The following RFTN1 variants were observed in gnomAD, a reference collection of about 807,000 sequenced individuals.
RFTN1 encodes raftlin, lipid raft linker 1.
In RFTN1, 26 loss-of-function variants were observed where a neutral mutation model predicts 46.5. That is an observed-to-expected ratio of 0.56 (90% CI 0.41 to 0.78). RFTN1 has a LOEUF of 0.78. Among genes scored for constraint, RFTN1 ranks in the 30% least tolerant of loss-of-function variants. The pLI, the probability that RFTN1 is intolerant of heterozygous loss-of-function variation, is 0.00. For synonymous variants in RFTN1, 261 were observed against 284.2 expected, an observed-to-expected ratio of 0.92 and a Z score of 0.82; for missense variants, 693 against 718.7, an observed-to-expected ratio of 0.96 and a Z score of 0.41.
At position 16,427,895 on chromosome 3, in the gene RFTN1, C is replaced by T. The variant is rs190662208; in HGVS notation, c.332+5956G>A. 2.5e-3 allele frequency among the ~76,000 whole-genome samples: 387 copies of T among 152,244 alleles called. 3 individuals are homozygous for T. Among genetic ancestry groups the T allele is most frequent in the African/African-American group, 8.8e-3 (366 of 41,526 alleles). The stretch of plus-strand genomic sequence containing the variant: ...TCCCTATTCCAGTCTACCCATCATG[C>T]CCAACCTAGAGCAAATGACAGCCGC... On this transcript the variant is annotated intron_variant, in intron 3 of 9. Coordinates refer to ENST00000334133, the MANE Select transcript of RFTN1 (RefSeq NM_015150.2). This position sits in a 1 kb window ranked among gnomAD's most constrained non-coding sequence, Gnocchi z 5.4.
In RFTN1 at chr3:16,351,872, G is replaced by T. The variant is rs2072127446; in HGVS notation, c.1146+6060C>A. 6.6e-6 allele frequency among the ~76,000 whole-genome samples: 1 copy of T among 151,396 alleles called. No homozygotes were observed. Among genetic ancestry groups the T allele is most frequent in the Non-Finnish European group, 1.5e-5 (1 of 67,996 alleles). On this transcript the variant is annotated intron_variant, in intron 7 of 9. Transcript: ENST00000334133. The surrounding 1 kb of genome is among the most constrained non-coding windows in gnomAD (Gnocchi z 5.4). The stretch of plus-strand genomic sequence containing the variant: ...AGGGGTGTGTTGGGTGAGGGGACTA[G>T]AAAGACTAGAAAAAAAAATCATGAA...
intron 7 of RFTN1, among the ~76,000 whole-genome samples, chr3:16,357,325 A>AG (rs1380736611): frequency 2.0e-5 from 3 of 152,196 alleles, no homozygotes; most frequent in Non-Finnish European, 4.4e-5. Context: ...CCAAAGTCCC[A>AG]GCAGAACGTG....
chr3:16,329,335 G>T lies in RFTN1; in HGVS notation c.1147-2459C>A, dbSNP rs897448943. On this transcript the variant is annotated intron_variant, in intron 7 of 9. Transcript: ENST00000334133. The surrounding 1 kb of genome is among the most constrained non-coding windows in gnomAD (Gnocchi z 4.5). ...AGCACAAGTGGACCGAGACAGGGCG[G>T]AAGTGGAGAAAGGGAAAGGGAAAGA... 6.8e-6 allele frequency among the ~76,000 whole-genome samples: 1 copy of T among 147,860 alleles called. No homozygotes were observed. The highest frequency in any genetic ancestry group is 1.5e-5 in the Non-Finnish European group (1 of 65,898).
intron 9 of RFTN1, among the ~76,000 whole-genome samples, chr3:16,318,596 G>A (rs1437345146): frequency 2.8e-5 from 4 of 140,492 alleles, no homozygotes; most frequent in African/African-American, 9.9e-5. Flanking sequence ...ACAGAATTCT[G>A]AGATTTAATA....
intron 2 of RFTN1, among the ~76,000 whole-genome samples, chr3:16,478,767 C>A (rs2076321823): frequency 6.6e-6 from 1 of 152,196 alleles, no homozygotes. Flanking sequence ...GGCTATTGGG[C>A]TTAGGGCCCC....
rs1478899742 is a variant in RFTN1, at chr3:16,411,149, C to G, written c.333-1666G>C. On this transcript the variant is annotated intron_variant, in intron 3 of 9. Transcript: ENST00000334133. ...ATGAGGCTGTTCTACCAAAGAGGGG[C>G]CCCTGAAGTCCCTGTGAGAGCAGGA... Among the ~76,000 whole-genome samples the G allele has an allele frequency of 5.3e-5, 8 of 152,196 alleles. No homozygotes were observed. The South Asian group carries it at 1.5e-3, about 28-fold the overall frequency.
Position 16,512,288 on chromosome 3 carries a change from A to G in RFTN1, c.-9+1154T>C, listed in dbSNP as rs2076913835. On this transcript the variant is annotated intron_variant, in intron 1 of 9. Transcript: ENST00000334133. This position sits in a 1 kb window ranked among gnomAD's most constrained non-coding sequence, Gnocchi z 4.3. Reference sequence around the variant, plus strand: ...TTAACTTATCCTGAGATGACACACGATGGCAGGGGTTGGAAGATGCCTAGT... The same window carrying G: ...TTAACTTATCCTGAGATGACACACGGTGGCAGGGGTTGGAAGATGCCTAGT... Among the ~76,000 whole-genome samples, 1 of 152,076 alleles carries G rather than the reference A, an allele frequency of 6.6e-6. No homozygotes were observed. The highest frequency in any genetic ancestry group is 6.5e-5 in the Admixed American group (1 of 15,274).
Position 16,450,268 on chromosome 3 carries a change from G to A in RFTN1, c.146-16231C>T, listed in dbSNP as rs1439956125. Among the ~76,000 whole-genome samples the A allele has an allele frequency of 6.6e-6, 1 of 152,164 alleles. No homozygotes were observed. Among genetic ancestry groups the A allele is most frequent in the Non-Finnish European group, 1.5e-5 (1 of 68,022 alleles). On this transcript the variant is annotated intron_variant, in intron 2 of 9. Transcript: ENST00000334133. This position sits in a 1 kb window ranked among gnomAD's most constrained non-coding sequence, Gnocchi z 4.6. ...CTCCCACCTCAGGCCTGCCTTGCTT[G>A]CAGCTCTGTCTGGGAGCATTTCAGG...
chr3:16,513,652 C>T lies in RFTN1; in HGVS notation c.-219G>A, dbSNP rs970124268. The T allele has an allele frequency of 2.0e-5, 3 of 150,844 alleles. No individual in the cohort carries two copies. Among genetic ancestry groups the T allele is most frequent in the African/African-American group, 7.3e-5 (3 of 41,160 alleles). 9.3% of individuals were successfully genotyped at this position (150,844 alleles called of 1,614,324 possible). A position where few individuals can be genotyped will look rare whatever the true frequency, so the allele number is the denominator to read the frequency against. On this transcript the variant is annotated 5_prime_UTR_variant, in exon 1 of 10. Transcript: ENST00000334133. This position sits in a 1 kb window ranked among gnomAD's most constrained non-coding sequence, Gnocchi z 5.4. ...GTCCCTCGCCGGAGCCCGCGGCCGC[C>T]GCGCTCTCGCTCGCTGCGCCCAGCG... is the stretch of plus-strand genomic sequence containing the variant.
rs2069004390 is a variant in RFTN1 at position 16,321,131 on chromosome 3, CTAGA to C, written c.1332+2241_1332+2244del. ...GCCCCTAAGGTGCAATGCCATTCCT[CTAGA>C]TAGGGTGGCGGTTGGCCAGGTGGGC... is the stretch of plus-strand genomic sequence containing the variant. On this transcript the variant is annotated intron_variant, in intron 9 of 9. Transcript: ENST00000334133. This position sits in a 1 kb window ranked among gnomAD's most constrained non-coding sequence, Gnocchi z 4.8. Among the ~76,000 whole-genome samples the C allele has an allele frequency of 6.6e-6, 1 of 151,876 alleles. No homozygotes were observed. Among genetic ancestry groups the C allele is most frequent in the South Asian group, 2.1e-4 (1 of 4,812 alleles).
At chr3:16,467,548 A>G (rs2076119488) in intron 2 of RFTN1, among the ~76,000 whole-genome samples, 1 of 152,094 alleles carries the variant, frequency 6.6e-6, no homozygotes, top group Admixed American at 6.5e-5. Context: ...CTGACCCCGG[A>G]AGGAGCCTTC....
In RFTN1 at chr3:16,480,761, A is replaced by C. The variant is rs1426806073; in HGVS notation, c.145+12964T>G. 6.6e-6 allele frequency among the ~76,000 whole-genome samples: 1 copy of C among 152,234 alleles called. No homozygotes were observed. Among genetic ancestry groups the C allele is most frequent in the Non-Finnish European group, 1.5e-5 (1 of 68,050 alleles). ...ATTCTTTAACGCAATATTGCTAATA[A>C]TAATTAGTAGGGTGCATAGAATATT... On this transcript the variant is annotated intron_variant, in intron 2 of 9. Transcript: ENST00000334133. The surrounding 1 kb of genome is among the most constrained non-coding windows in gnomAD (Gnocchi z 4.3).
chr3:16,365,524 A>G (rs1311133072), intron 6 of RFTN1, among the ~76,000 whole-genome samples: 2 of 152,194 alleles, frequency 1.3e-5, no homozygotes, highest in African/African-American at 4.8e-5. Context: ...AGGATATGCT[A>G]GGTGTCAAAA....
In RFTN1 at chr3:16,356,431, G is replaced by C. The variant is rs1436858858; in HGVS notation, c.1146+1501C>G. Among the ~76,000 whole-genome samples, 1 of 152,134 alleles carries C rather than the reference G, an allele frequency of 6.6e-6. No individual in the cohort carries two copies. Among genetic ancestry groups the C allele is most frequent in the Non-Finnish European group, 1.5e-5 (1 of 68,040 alleles). ...GCTTCTGACGACTCCAGTTCCTTTG[G>C]GTACTCCATTGCTATCACACTTGCA... On this transcript the variant is annotated intron_variant, in intron 7 of 9. Transcript: ENST00000334133. The surrounding 1 kb of genome is among the most constrained non-coding windows in gnomAD (Gnocchi z 4.9).
In RFTN1 at chr3:16,427,082, A is replaced by C. The variant is rs370240086; in HGVS notation, c.332+6769T>G. On this transcript the variant is annotated intron_variant, in intron 3 of 9. Coordinates refer to ENST00000334133, the MANE Select transcript of RFTN1 (RefSeq NM_015150.2). This position sits in a 1 kb window ranked among gnomAD's most constrained non-coding sequence, Gnocchi z 5.4. ...TTACCTCTACTGATGTAAGCACTAC[A>C]CAGAAATCTTAGAGGCTGCAAGATG... Among the ~76,000 whole-genome samples, 63 of 152,352 alleles carry C rather than the reference A, an allele frequency of 4.1e-4. No individual in the cohort carries two copies. The highest frequency in any genetic ancestry group is 1.4e-3 in the African/African-American group (59 of 41,578).
Position 16,400,888 on chromosome 3 carries a change from C to T in RFTN1, c.441+8487G>A. ...TAGGAACATCTAAGCCTGTAACCTT[C>T]CTCCTCCCTCCCCTGCCAGCATCAA... is the stretch of plus-strand genomic sequence containing the variant. On this transcript the variant is annotated intron_variant, in intron 4 of 9. Transcript: ENST00000334133. The surrounding 1 kb of genome is among the most constrained non-coding windows in gnomAD (Gnocchi z 4.5). Among the ~76,000 whole-genome samples the T allele has an allele frequency of 6.6e-6, 1 of 152,158 alleles. No individual in the cohort carries two copies. Among genetic ancestry groups the T allele is most frequent in the East Asian group, 1.9e-4 (1 of 5,192 alleles).
At chr3:16,377,352 G>T (rs1326273451) in intron 5 of RFTN1, among the ~76,000 whole-genome samples, 4 of 152,178 alleles carry the variant, frequency 2.6e-5, no homozygotes, top group African/African-American at 7.2e-5. Flanking sequence ...TTAACAGGTG[G>T]TGTGTAGGTT....
intron 7 of RFTN1, among the ~76,000 whole-genome samples, chr3:16,331,116 GA>G (rs2070263740): frequency 6.6e-6 from 1 of 152,224 alleles, no homozygotes; most frequent in Non-Finnish European, 1.5e-5. Context: ...AGTGACTGGG[GA>G]CAGTTTGCCT....
At chr3:16,378,954 GA>G (rs1352754444) in intron 4 of RFTN1, among the ~76,000 whole-genome samples, 1 of 152,216 alleles carries the variant, frequency 6.6e-6, no homozygotes, top group Non-Finnish European at 1.5e-5. Flanking sequence ...AAGTTTGAAA[GA>G]AAAATTGAAA....
Sources: gnomAD v4.1 joint callset for allele counts (sites outside exome capture counted in the v4.1 genomes callset) on GRCh38, gnomAD v4.1.1 for gene constraint, Gnocchi (gnomAD v3.1) non-coding constraint, MANE v1.5 for transcripts, NCBI Gene and HGNC (gene_info 2026-07-23, HGNC 2026-07-21) for gene names.